DHX8: variants seen among roughly 807,000 people sequenced by gnomAD.
DHX8 encodes the protein DEAH-box helicase 8, also known as ATP-dependent RNA helicase DHX8.
A neutral mutation model predicts 140.7 loss-of-function variants in DHX8; 67 were observed. That is an observed-to-expected ratio of 0.48 (90% CI 0.39 to 0.58). The LOEUF (loss-of-function observed/expected upper bound fraction) is 0.58. DHX8 is among the 20% of genes least tolerant of loss of function. DHX8 has a pLI of 0.00. For synonymous variants in DHX8, 533 were observed against 553.2 expected (o/e 0.96, Z 0.51); for missense variants, 887 against 1,550.7 (o/e 0.57, Z 7.19).
At chr17:43,543,354 C>T (rs560559663) in intron 3 of DHX8, among the ~76,000 whole-genome samples, 1 of 151,544 alleles carries the variant, frequency 6.6e-6, no homozygotes, top group African/African-American at 2.4e-5. Context: ...GTACCCTCTC[C>T]AGACCCCTGG....
chr17:43,505,343 A>T (rs1969429316), intron 12 of DHX8, among the ~76,000 whole-genome samples: 1 of 152,008 alleles, frequency 6.6e-6, no homozygotes, highest in African/African-American at 2.4e-5. Flanking sequence ...AGGGAGTCGG[A>T]GGTTGCAGTG....
At chr17:43,533,383 G>C (rs756676332) in intron 2 of DHX8, 1 of 1,587,050 alleles carries the variant, frequency 6.3e-7, no homozygotes, top group Non-Finnish European at 8.6e-7. Context: ...TGAGGGGGCA[G>C]AGAAGCTGGA....
chr17:43,536,330 G>A (rs1034640735), intron 2 of DHX8: 1 of 1,099,264 alleles, frequency 9.1e-7, no homozygotes, highest in Non-Finnish European at 1.4e-6. Context: ...TGTGTTTTAG[G>A]AGAGAACAAG....
intron 12 of DHX8, among the ~76,000 whole-genome samples, chr17:43,505,770 A>C (rs538446867): frequency 1.3e-5 from 2 of 152,174 alleles, no homozygotes; most frequent in South Asian, 4.2e-4. Context: ...TCGGTACTCT[A>C]TATTCTGGAG....
chr17:43,521,603 A>T, intron 21 of DHX8, 38 bp downstream of exon 21: 1 of 1,578,698 alleles, frequency 6.3e-7, no homozygotes, highest in Non-Finnish European at 8.7e-7. Context: ...GTTTGAGTTG[A>T]ACCACCTTGA....
chr17:43,503,428 C>T (rs973887235), intron 11 of DHX8, among the ~76,000 whole-genome samples: 9 of 150,760 alleles, frequency 6.0e-5, no homozygotes, highest in Non-Finnish European at 8.8e-5. Flanking sequence ...ACCTGGGAGG[C>T]GGAGGTTGCA....
chr17:43,533,076 A>G, intron 2 of DHX8: 1 of 1,503,840 alleles, frequency 6.6e-7, no homozygotes, highest in Admixed American at 2.0e-5. Context: ...CTCCCTTTCT[A>G]TTCCACTGCC....
downstream of DHX8, chr17:43,529,253 T>G (rs1279315878): frequency 3.1e-6 from 5 of 1,613,218 alleles, no homozygotes; most frequent in African/African-American, 1.3e-5. Context: ...ACAAAACAGT[T>G]TTGGGGTAGA....
intron 2 of DHX8, 100 bp from the exon 3 acceptor site, chr17:43,490,291 T>C (rs896871957): frequency 2.4e-6 from 2 of 844,160 alleles, no homozygotes; most frequent in South Asian, 3.2e-5. Flanking sequence ...TAAATTCAAG[T>C]GCGTAACCAC....
chr17:43,508,286 T>C, intron 15 of DHX8, 53 bp from the exon 16 acceptor site: 2 of 1,565,952 alleles, frequency 1.3e-6, no homozygotes, highest in South Asian at 2.5e-5. Flanking sequence ...AGCCCTTGTA[T>C]AGGACACACA....
chr17:43,544,677 A>C (rs1971709296), downstream of DHX8: 9 of 284,618 alleles, frequency 3.2e-5, no homozygotes, highest in South Asian at 7.6e-4. Context: ...AACCAGGAAA[A>C]TGGGCCTGGG....
At chr17:43,525,977 G>A, downstream of DHX8, 1 of 985,392 alleles carries the variant, frequency 1.0e-6, no homozygotes. Flanking sequence ...TCAGGTGGAG[G>A]AAAAAGAAGG....
rs953491362 is a variant in DHX8 at position 43,508,087 on chromosome 17, A to T, written c.2320+68A>T. On this transcript the variant is annotated intron_variant, in intron 15 of 22. Transcript: ENST00000262415. ...TCCCTCTTAGGCCAAAAGTCCTCAT[A>T]TGGGTATCTTTTTTGCTAATCTTTT... The T allele has an allele frequency of 4.2e-6, 6 of 1,444,834 alleles. No homozygotes were observed. In the Admixed American group the frequency reaches 6.0e-5, roughly 14 times the overall value. The allele number at this position is 1,444,834 out of a possible 1,614,324, so 89.5% of individuals were successfully genotyped here.
At chr17:43,486,652 G>A (rs1229264729) in intron 1 of DHX8, among the ~76,000 whole-genome samples, 1 of 151,772 alleles carries the variant, frequency 6.6e-6, no homozygotes, top group Admixed American at 6.6e-5. Context: ...AGGCCAAGGC[G>A]GGTGGATCAC....
chr17:43,485,026 G>A (rs903529441), intron 1 of DHX8, among the ~76,000 whole-genome samples: 1 of 152,178 alleles, frequency 6.6e-6, no homozygotes, highest in African/African-American at 2.4e-5. Flanking sequence ...AAAGGCTAGG[G>A]TCCTAAAGCT....
At chr17:43,543,879 C>T (rs1338579137) in intron 3 of DHX8, 1 of 152,148 alleles carries the variant, frequency 6.6e-6, no homozygotes. Context: ...GCAAGACAGA[C>T]CTAGTCTCAC....
chr17:43,528,528 G>C (rs1233270453), downstream of DHX8: 1 of 1,607,644 alleles, frequency 6.2e-7, no homozygotes, highest in Non-Finnish European at 8.5e-7. Context: ...GCTAGTAAGA[G>C]TAGCCACCCT....
At chr17:43,488,487 T>G (rs1968309564) in intron 1 of DHX8, among the ~76,000 whole-genome samples, 1 of 151,362 alleles carries the variant, frequency 6.6e-6, no homozygotes, top group African/African-American at 2.4e-5. Context: ...GGTGGGCGCC[T>G]GTAGTCCCAG....
intron 2 of DHX8, chr17:43,532,559 G>A: frequency 1.1e-6 from 1 of 925,210 alleles, no homozygotes; most frequent in Non-Finnish European, 1.6e-6. Context: ...AAAAAAGTGG[G>A]TGGGTGGGTT....
Sources: gnomAD v4.1 joint callset for allele counts (sites outside exome capture counted in the v4.1 genomes callset) on GRCh38, gnomAD v4.1.1 for gene constraint, MANE v1.5 for transcripts, NCBI Gene and HGNC (gene_info 2026-07-23, HGNC 2026-07-21) for gene names.